The following PPEF1 variants were observed in gnomAD, a reference collection of about 807,000 sequenced individuals.
PPEF1 encodes serine/threonine-protein phosphatase with EF-hands 1.
PPEF1 carries 12 observed loss-of-function variants against 53.3 expected under a neutral mutation model. The observed-to-expected ratio is 0.23, with a 90% CI of 0.14 to 0.36. The LOEUF (loss-of-function observed/expected upper bound fraction) is 0.36, where lower values mean the gene tolerates loss of function less well. Ranked by LOEUF, PPEF1 falls within the 10% of genes least tolerant of loss-of-function variation. The pLI, the probability that PPEF1 is intolerant of heterozygous loss-of-function variation, is 1.00. For missense variants in PPEF1, 334 were observed against 490.4 expected (o/e 0.68, Z 3.01); for synonymous variants, 165 against 176.7 (o/e 0.93, Z 0.52).
chrX:18,783,226 G>A (rs112081582), intron 8 of PPEF1, among the ~76,000 whole-genome samples: 4 of 109,845 alleles, frequency 3.6e-5, no homozygotes, highest in African/African-American at 1.3e-4. Flanking sequence ...CACAGAGGTT[G>A]TCCCTAGTTG....
upstream of PPEF1, among the ~76,000 whole-genome samples, chrX:18,705,243 T>A (rs2147275703): frequency 9.0e-6 from 1 of 111,525 alleles, no homozygotes; most frequent in African/African-American, 3.3e-5. Flanking sequence ...GATAGGTGAG[T>A]TTACCAGCTA....
chrX:18,675,120 C>G (rs776619296), upstream of PPEF1, among the ~76,000 whole-genome samples: 416 of 112,943 alleles, frequency 3.7e-3, 4 homozygotes, highest in African/African-American at 0.013. Context: ...CGGGCTCCGG[C>G]GTTTGGGCGG....
intron 10 of PPEF1, among the ~76,000 whole-genome samples, chrX:18,791,125 A>G (rs2046317114): frequency 8.9e-6 from 1 of 112,325 alleles, no homozygotes. Flanking sequence ...GTACTGTACA[A>G]TTTTGATTAC....
rs190626234 is a variant in PPEF1 at position 18,729,893 on chromosome X, A to G, written c.47-288A>G. Among the ~76,000 whole-genome samples, 343 of 112,265 alleles carry G rather than the reference A, an allele frequency of 3.1e-3. 3 individuals carry two copies. Among genetic ancestry groups the G allele is most frequent in the Admixed American group, 8.0e-3 (84 of 10,551 alleles). On this transcript the variant is annotated intron_variant, in intron 1 of 15. Coordinates refer to ENST00000470157, the MANE Select transcript of PPEF1 (RefSeq NM_001377996.1). ...GAGGTTTTGAGAGTTTTAATAACTTACCCAAAGTAACATAGACGGTAATTA... is the reference window on the plus strand; with the variant it reads ...GAGGTTTTGAGAGTTTTAATAACTTGCCCAAAGTAACATAGACGGTAATTA...
At chrX:18,816,311 CT>C (rs1217013310) in intron 12 of PPEF1, among the ~76,000 whole-genome samples, 2 of 111,282 alleles carry the variant, frequency 1.8e-5, no homozygotes, top group African/African-American at 6.5e-5. Context: ...CAAATTTCTT[CT>C]GTTGTTAATT....
chrX:18,716,299 G>A (rs1449990869), intron 1 of PPEF1, among the ~76,000 whole-genome samples: 1 of 110,863 alleles, frequency 9.0e-6, no homozygotes, highest in Non-Finnish European at 1.9e-5. Context: ...TTGGGAGGCC[G>A]AGGCGGGTGA....
chrX:18,733,933 T>A, intron 3 of PPEF1, 125 bp downstream of exon 3: 1 of 526,179 alleles, frequency 1.9e-6, no homozygotes, highest in Non-Finnish European at 2.9e-6. Flanking sequence ...CTTTTGTTTA[T>A]GTGACACCCA....
chrX:18,806,627 G>C, intron 12 of PPEF1, 82 bp downstream of exon 12: 1 of 930,638 alleles, frequency 1.1e-6, no homozygotes, highest in African/African-American at 1.9e-5. Flanking sequence ...GAGCAGCCAC[G>C]TGAGTGAAGA....
At chrX:18,741,460 T>G (rs1420350501) in intron 3 of PPEF1, among the ~76,000 whole-genome samples, 1 of 112,066 alleles carries the variant, frequency 8.9e-6, no homozygotes, top group East Asian at 2.8e-4. Flanking sequence ...ATATTTTTAT[T>G]AAAGAAGGGG....
intron 3 of PPEF1, among the ~76,000 whole-genome samples, chrX:18,747,047 T>C (rs1399737330): frequency 9.0e-6 from 1 of 111,107 alleles, no homozygotes; most frequent in Non-Finnish European, 1.9e-5. Flanking sequence ...TGGCCTGGGG[T>C]TCAACTGGGC....
chrX:18,755,678 A>G (rs1254922732), intron 4 of PPEF1, among the ~76,000 whole-genome samples: 1 of 110,714 alleles, frequency 9.0e-6, no homozygotes, highest in Non-Finnish European at 1.9e-5. Context: ...CCCCAAACAA[A>G]ACCCTTTACC....
At position 18,825,744 on chromosome X, in the gene PPEF1, AT is replaced by A; in HGVS notation, c.1666-3del. ...ATGTTCTAACACTTAGAAAATCTTT[AT>A]TTTAGGCTCATTCTACTCTAGTTGA... On this transcript the variant is annotated splice_region_variant and splice_polypyrimidine_tract_variant and intron_variant, in intron 14 of 15. Coordinates refer to ENST00000470157, the MANE Select transcript of PPEF1 (RefSeq NM_001377996.1). The A allele has an allele frequency of 8.6e-7, 1 of 1,162,576 alleles. No individual in the cohort carries two copies.
rs748671198 is a variant in PPEF1 at position 18,793,679 on chromosome X, TC to T, written c.1065+4412del. The stretch of plus-strand genomic sequence containing the variant: ...TCAAAAGCAGTTTTTATTGCCTGCT[TC>T]CCCCCTCCGCTCCCCCCACCCCCCG... On this transcript the variant is annotated intron_variant, in intron 10 of 15. Transcript: ENST00000470157. 1.8e-4 allele frequency among the ~76,000 whole-genome samples: 18 copies of T among 102,136 alleles called. No individual in the cohort carries two copies. In the East Asian group the frequency reaches 3.3e-3, roughly 19 times the overall value. The allele number at this position is 102,136 out of a possible 115,157, so 88.7% of individuals were successfully genotyped here. A position where few individuals can be genotyped will look rare whatever the true frequency, so the allele number is the denominator to read the frequency against.
chrX:18,727,142 C>T (rs973428530), intron 1 of PPEF1, among the ~76,000 whole-genome samples: 6 of 112,225 alleles, frequency 5.3e-5, no homozygotes, highest in African/African-American at 1.9e-4. Context: ...TCCTCACTGT[C>T]TATTTCCACT....
rs748671435 is a variant in PPEF1, at chrX:18,824,907, G to A, written c.1665+821G>A. On this transcript the variant is annotated intron_variant, in intron 14 of 15. Coordinates refer to ENST00000470157, the MANE Select transcript of PPEF1 (RefSeq NM_001377996.1). The stretch of plus-strand genomic sequence containing the variant: ...TTGAACTCTTGACCTCAAGTGATCT[G>A]CCCACCTCGGCCTCCCAAAGTGCTG... Among the ~76,000 whole-genome samples, 4 of 111,139 alleles carry A rather than the reference G, an allele frequency of 3.6e-5. No individual in the cohort carries two copies. The East Asian group carries it at 8.6e-4, about 24-fold the overall frequency.
chrX:18,818,001 T>C (rs745663686), intron 12 of PPEF1, 38 bp from the exon 13 acceptor site: 1 of 986,569 alleles, frequency 1.0e-6, no homozygotes, highest in Non-Finnish European at 1.4e-6. Flanking sequence ...AACAGGATGA[T>C]TTATGTTACT....
At chrX:18,820,765 C>G (rs2047018947) in intron 13 of PPEF1, among the ~76,000 whole-genome samples, 1 of 111,331 alleles carries the variant, frequency 9.0e-6, no homozygotes, top group Non-Finnish European at 1.9e-5. Context: ...CACAAATGGA[C>G]CATTTACAAA....
At chrX:18,743,960 C>T (rs1362574067) in intron 3 of PPEF1, among the ~76,000 whole-genome samples, 1 of 110,965 alleles carries the variant, frequency 9.0e-6, no homozygotes, top group African/African-American at 3.3e-5. Flanking sequence ...ATGACCTCGG[C>T]TCCCTGCAAC....
At chrX:18,775,266 G>T (rs1343519134) in intron 6 of PPEF1, among the ~76,000 whole-genome samples, 2 of 88,028 alleles carry the variant, frequency 2.3e-5, no homozygotes, top group African/African-American at 9.1e-5. Context: ...TGCCCAGGCT[G>T]GAGTGCCCTG....
Sources: gnomAD v4.1 joint callset for allele counts (sites outside exome capture counted in the v4.1 genomes callset) on GRCh38, gnomAD v4.1.1 for gene constraint, MANE v1.5 for transcripts, NCBI Gene and HGNC (gene_info 2026-07-23, HGNC 2026-07-21) for gene names.